Variants in CSMD1 observed in about 807,000 individuals in gnomAD.
CSMD1 encodes CUB and Sushi multiple domains 1.
A neutral mutation model predicts 417.5 loss-of-function variants in CSMD1; 213 were observed. That is an observed-to-expected ratio of 0.51 (90% confidence interval 0.46 to 0.57). CSMD1 has a LOEUF of 0.57. Ranked by LOEUF, CSMD1 falls within the 20% of genes least tolerant of loss-of-function variation. The pLI is 0.00. For missense variants in CSMD1, 6,923 were observed against 4,529.7 expected (o/e 1.53, Z -15.17); for synonymous variants, 2,862 against 1,736.8 (o/e 1.65, Z -16.11).
intron 1 of CSMD1, among the ~76,000 whole-genome samples, chr8:4,645,112 G>A (rs924299871): frequency 5.9e-5 from 9 of 152,076 alleles, no homozygotes; most frequent in East Asian, 3.9e-4. Flanking sequence ...CCTGATTGTC[G>A]AAAGCTCCTT....
intron 36 of CSMD1, among the ~76,000 whole-genome samples, chr8:3,184,879 C>T (rs536726744): frequency 5.3e-4 from 81 of 152,336 alleles, no homozygotes; most frequent in African/African-American, 1.8e-3. Flanking sequence ...TTTGTGCACA[C>T]CTTTGATAGA....
intron 2 of CSMD1, among the ~76,000 whole-genome samples, chr8:4,501,582 T>C (rs557415460): frequency 5.9e-5 from 9 of 152,288 alleles, no homozygotes; most frequent in Admixed American, 5.9e-4. Flanking sequence ...AAACATTAAA[T>C]GAAAAATTTC....
intron 1 of CSMD1, among the ~76,000 whole-genome samples, chr8:4,965,332 A>G (rs1048848402): frequency 6.6e-6 from 1 of 152,214 alleles, no homozygotes; most frequent in Non-Finnish European, 1.5e-5. Flanking sequence ...TATTACTTCA[A>G]TCAAAGTCAA....
chr8:3,767,271 T>G (rs1036395246), intron 5 of CSMD1, among the ~76,000 whole-genome samples: 1 of 152,166 alleles, frequency 6.6e-6, no homozygotes, highest in Non-Finnish European at 1.5e-5. Context: ...CAGCCGCCTT[T>G]CTCCCCGACC....
At chr8:2,954,338 A>C (rs1368927943) in intron 64 of CSMD1, 70 bp from the exon 65 acceptor site, 6 of 919,124 alleles carry the variant, frequency 6.5e-6, no homozygotes, top group Non-Finnish European at 8.1e-6. Context: ...AAAAAATGTC[A>C]AATTGAAGCA....
intron 26 of CSMD1, among the ~76,000 whole-genome samples, chr8:3,237,650 T>TA (rs1799233683): frequency 2.2e-5 from 3 of 133,620 alleles, no homozygotes; most frequent in African/African-American, 7.8e-5. Flanking sequence ...CTATAATTTT[T>TA]TAAATTATAC....
chr8:3,327,602 G>A (rs982896044), intron 23 of CSMD1, among the ~76,000 whole-genome samples: 1 of 152,110 alleles, frequency 6.6e-6, no homozygotes, highest in Non-Finnish European at 1.5e-5. Flanking sequence ...AGAATTCGTA[G>A]GATAATTGTT....
chr8:3,091,477 A>C, intron 48 of CSMD1, 39 bp downstream of exon 48: 1 of 1,499,994 alleles, frequency 6.7e-7, no homozygotes, highest in Non-Finnish European at 9.0e-7. Context: ...CACCTGTTTT[A>C]AAATACTTTC....
chr8:3,123,606 T>G (rs987003858), intron 41 of CSMD1, among the ~76,000 whole-genome samples: 1 of 129,038 alleles, frequency 7.7e-6, no homozygotes, highest in African/African-American at 4.8e-5. Context: ...AATAAAACGT[T>G]AAGAAAAAAA....
intron 10 of CSMD1, among the ~76,000 whole-genome samples, chr8:3,535,563 G>A (rs1358849605): frequency 6.6e-6 from 1 of 152,126 alleles, no homozygotes; most frequent in Non-Finnish European, 1.5e-5. Flanking sequence ...TGGGTAGGAA[G>A]AAGAAGGATG....
At chr8:4,539,315 A>G (rs1797264077) in intron 2 of CSMD1, among the ~76,000 whole-genome samples, 1 of 152,222 alleles carries the variant, frequency 6.6e-6, no homozygotes, top group South Asian at 2.1e-4. Flanking sequence ...ATCTTTTAAG[A>G]CATTTTCAGT....
intron 18 of CSMD1, among the ~76,000 whole-genome samples, chr8:3,372,339 G>A (rs1369182090): frequency 6.6e-6 from 1 of 152,122 alleles, no homozygotes. Context: ...TGTAAGGGTT[G>A]GAGGTTTCTT....
At chr8:4,260,479 C>T (rs1274623265) in intron 3 of CSMD1, among the ~76,000 whole-genome samples, 1 of 151,952 alleles carries the variant, frequency 6.6e-6, no homozygotes, top group Non-Finnish European at 1.5e-5. Flanking sequence ...CATTGTTCAC[C>T]TGAAGTAAAT....
chr8:3,892,006 C>T (rs1222032713), intron 5 of CSMD1, among the ~76,000 whole-genome samples: 2 of 146,046 alleles, frequency 1.4e-5, no homozygotes, highest in African/African-American at 5.1e-5. Context: ...GATACTATCA[C>T]CAACATGATA....
intron 21 of CSMD1, among the ~76,000 whole-genome samples, chr8:3,357,323 C>T (rs924634947): frequency 6.6e-6 from 1 of 152,200 alleles, no homozygotes; most frequent in Non-Finnish European, 1.5e-5. Flanking sequence ...TGTCCTTGGG[C>T]AAAGTTTGTA....
chr8:3,386,356 G>A (rs1283285786), intron 18 of CSMD1, among the ~76,000 whole-genome samples: 4 of 152,084 alleles, frequency 2.6e-5, no homozygotes, highest in African/African-American at 7.2e-5. Flanking sequence ...ACCTACTCCT[G>A]CCCAGAGTGC....
chr8:4,038,453 G>A (rs192035791), intron 3 of CSMD1, among the ~76,000 whole-genome samples: 42 of 152,228 alleles, frequency 2.8e-4, no homozygotes, highest in Admixed American at 9.2e-4. Context: ...CCAAAATATG[G>A]TAATTTAGTG....
intron 5 of CSMD1, among the ~76,000 whole-genome samples, chr8:3,835,360 C>A (rs976469800): frequency 6.6e-6 from 1 of 152,110 alleles, no homozygotes; most frequent in African/African-American, 2.4e-5. Flanking sequence ...AACTGTGGTC[C>A]ATATACACCA....
rs2554666 is a variant in CSMD1, at chr8:3,926,397, C to T, written c.818+71506G>A. Among the ~76,000 whole-genome samples, 69 of 150,254 alleles carry T rather than the reference C, an allele frequency of 4.6e-4. 2 individuals carry two copies. Among genetic ancestry groups the T allele is most frequent in the Admixed American group, 4.7e-4 (7 of 15,032 alleles). ...AAACAGGAGGGCAGTAAGATTTTTT[C>T]TGTCTTTTGTTGAGATATTACCAGT... is the stretch of plus-strand genomic sequence containing the variant. On this transcript the variant is annotated intron_variant, in intron 5 of 69. Transcript: ENST00000635120.
Sources: allele counts gnomAD v4.1 joint callset (sites outside exome capture counted in the v4.1 genomes callset), GRCh38; gene constraint gnomAD v4.1.1; transcripts MANE v1.5; gene names NCBI Gene and HGNC (gene_info 2026-07-23, HGNC 2026-07-21).